CDK6: variants seen among roughly 807,000 people sequenced by gnomAD.
The protein encoded by CDK6 is cyclin-dependent kinase 6.
CDK6 carries 6 observed loss-of-function variants against 37.1 expected under a neutral mutation model. That is an observed-to-expected ratio of 0.16 (90% confidence interval 0.09 to 0.32). CDK6 has a LOEUF of 0.32. Among genes scored for constraint, CDK6 ranks in the 10% least tolerant of loss-of-function variants. The pLI is 1.00. For missense variants in CDK6, 224 were observed against 418.9 expected (o/e 0.53, Z 4.06); for synonymous variants, 160 against 161.3 (o/e 0.99, Z 0.06).
chr7:92,754,440 T>C (rs1449492798), intron 3 of CDK6, among the ~76,000 whole-genome samples: 1 of 152,196 alleles, frequency 6.6e-6, no homozygotes, highest in Non-Finnish European at 1.5e-5. Context: ...AGTTAAAACA[T>C]GGTAAGAAAC....
At chr7:92,687,832 C>T (rs896096591) in intron 4 of CDK6, among the ~76,000 whole-genome samples, 1 of 152,124 alleles carries the variant, frequency 6.6e-6, no homozygotes, top group African/African-American at 2.4e-5. Flanking sequence ...TTCCTGCACC[C>T]CTATTTATAT....
In CDK6 at chr7:92,630,337, C is replaced by T. The variant is rs143029391; in HGVS notation, c.648-7251G>A. On this transcript the variant is annotated intron_variant, in intron 5 of 7. Transcript: ENST00000424848. ...CTTCCAAAGCCTCCCTTATCTCTTG[C>T]TCTCCAATCACACTGTTCAGGGGGA... 3.8e-3 allele frequency among the ~76,000 whole-genome samples: 583 copies of T among 151,626 alleles called. 3 individuals are homozygous for T. The highest frequency in any genetic ancestry group is 6.3e-3 in the Non-Finnish European group (425 of 67,920).
At chr7:92,727,967 G>A (rs1302324432) in intron 3 of CDK6, among the ~76,000 whole-genome samples, 1 of 152,156 alleles carries the variant, frequency 6.6e-6, no homozygotes, top group African/African-American at 2.4e-5. Context: ...GTAATGTCCT[G>A]TTGGCTCATC....
At chr7:92,756,630 T>C (rs1006723677) in intron 3 of CDK6, among the ~76,000 whole-genome samples, 9 of 152,188 alleles carry the variant, frequency 5.9e-5, no homozygotes, top group African/African-American at 2.2e-4. Flanking sequence ...TTGTATCAGG[T>C]TCACTGTTGG....
chr7:92,831,970 A>T (rs1042409162), intron 2 of CDK6, among the ~76,000 whole-genome samples: 1 of 152,172 alleles, frequency 6.6e-6, no homozygotes, highest in Non-Finnish European at 1.5e-5. Context: ...AGCTGTGCTT[A>T]TTTACATCAT....
intron 2 of CDK6, among the ~76,000 whole-genome samples, chr7:92,776,478 T>C (rs1445943941): frequency 6.6e-6 from 1 of 152,210 alleles, no homozygotes; most frequent in East Asian, 1.9e-4. Flanking sequence ...CCTTAAGGAA[T>C]TGCCACACTG....
At chr7:92,807,436 T>C (rs534350915) in intron 2 of CDK6, among the ~76,000 whole-genome samples, 1 of 151,836 alleles carries the variant, frequency 6.6e-6, no homozygotes, top group African/African-American at 2.4e-5. Flanking sequence ...ATACATCTCT[T>C]TATCTAGACA....
At position 92,726,756 on chromosome 7, in the gene CDK6, G is replaced by C. The variant is rs139617462; in HGVS notation, c.370-963C>G. Among the ~76,000 whole-genome samples the C allele has an allele frequency of 4.6e-5, 7 of 152,268 alleles. No homozygotes were observed. The East Asian group carries it at 1.4e-3, about 29-fold the overall frequency. Reference sequence around the variant, plus strand: ...ATTAACAGAGTCTTGATTTAAACTAGGGTCTGGAAAACCTCGATTCAAATC... The same window carrying C: ...ATTAACAGAGTCTTGATTTAAACTACGGTCTGGAAAACCTCGATTCAAATC... On this transcript the variant is annotated intron_variant, in intron 3 of 7. Transcript: ENST00000424848.
At chr7:92,685,913 T>C (rs1225970031) in intron 4 of CDK6, among the ~76,000 whole-genome samples, 2 of 152,218 alleles carry the variant, frequency 1.3e-5, no homozygotes, top group Non-Finnish European at 2.9e-5. Context: ...CTGCTTTCCG[T>C]TCTTTTGTTT....
intron 4 of CDK6, among the ~76,000 whole-genome samples, chr7:92,714,268 GA>G (rs1798168860): frequency 6.6e-6 from 1 of 152,158 alleles, no homozygotes; most frequent in African/African-American, 2.4e-5. Flanking sequence ...CTGGGAATGG[GA>G]AAGGCAATCT....
At chr7:92,811,404 A>C (rs1428912080) in intron 2 of CDK6, among the ~76,000 whole-genome samples, 3 of 152,082 alleles carry the variant, frequency 2.0e-5, no homozygotes, top group African/African-American at 7.2e-5. Context: ...CGCCCTCCTT[A>C]CCGTGTGTAA....
At chr7:92,762,037 T>C (rs1298683967) in intron 3 of CDK6, among the ~76,000 whole-genome samples, 1 of 152,228 alleles carries the variant, frequency 6.6e-6, no homozygotes, top group Non-Finnish European at 1.5e-5. Flanking sequence ...GTGGTGTTTA[T>C]TTCAATTTAC....
At chr7:92,677,293 C>T (rs1404986648) in intron 4 of CDK6, among the ~76,000 whole-genome samples, 2 of 152,084 alleles carry the variant, frequency 1.3e-5, no homozygotes, top group African/African-American at 4.8e-5. Context: ...TAAAATAACC[C>T]CATCAATGAC....
At chr7:92,650,761 T>C (rs1796554522) in intron 5 of CDK6, among the ~76,000 whole-genome samples, 1 of 152,238 alleles carries the variant, frequency 6.6e-6, no homozygotes, top group Non-Finnish European at 1.5e-5. Flanking sequence ...GGGCTGCCCA[T>C]TGTTCCTAGA....
At chr7:92,831,429 A>T (rs1801477513) in intron 2 of CDK6, among the ~76,000 whole-genome samples, 1 of 152,228 alleles carries the variant, frequency 6.6e-6, no homozygotes, top group Admixed American at 6.5e-5. Context: ...AAATAAAACA[A>T]GAACTTCCGT....
rs1163572894 is a variant in CDK6 at position 92,618,205 on chromosome 7, A to G, written c.701T>C (p.Val234Ala). The change falls in exon 7 of 8, where the codon GTG becomes GCG. Residue 234 changes from valine (V) to alanine (A), a missense_variant and splice_region_variant. Transcript: ENST00000424848. ...DVDQLGKILD[V>A]IGLPGEEDWP... Reference sequence around the variant, plus strand: ...GTCTTCTTCTCCTGGGAGTCCAATCACGCTACAAAAGAACCACACATGGAC... The same window carrying G: ...GTCTTCTTCTCCTGGGAGTCCAATCGCGCTACAAAAGAACCACACATGGAC... 1 of 1,613,976 alleles carries G rather than the reference A, an allele frequency of 6.2e-7. No individual in the cohort carries two copies. The highest frequency in any genetic ancestry group is 1.1e-5 in the South Asian group (1 of 91,074).
chr7:92,641,087 A>T (rs965460781), intron 5 of CDK6, among the ~76,000 whole-genome samples: 1 of 152,234 alleles, frequency 6.6e-6, no homozygotes, highest in Non-Finnish European at 1.5e-5. Context: ...TTGAAAGATA[A>T]CTATTAAACC....
intron 3 of CDK6, among the ~76,000 whole-genome samples, chr7:92,754,055 T>C (rs1799253389): frequency 6.6e-6 from 1 of 152,106 alleles, no homozygotes; most frequent in South Asian, 2.1e-4. Flanking sequence ...ACTGACAATC[T>C]CTCCAGGCTC....
intron 3 of CDK6, among the ~76,000 whole-genome samples, chr7:92,733,124 C>A (rs996856502): frequency 2.6e-5 from 4 of 152,154 alleles, no homozygotes; most frequent in Non-Finnish European, 5.9e-5. Context: ...TCATTTATAG[C>A]CACCATGATT....
Sources: allele counts gnomAD v4.1 joint callset (sites outside exome capture counted in the v4.1 genomes callset), GRCh38; gene constraint gnomAD v4.1.1; transcripts MANE v1.5; gene names NCBI Gene and HGNC (gene_info 2026-07-23, HGNC 2026-07-21).